PIK3R1: variants seen among roughly 807,000 people sequenced by gnomAD.
PIK3R1 encodes the protein phosphatidylinositol 3-kinase regulatory subunit alpha.
PIK3R1 carries 29 observed loss-of-function variants against 98.0 expected under a neutral mutation model. That is an observed-to-expected ratio of 0.30 (90% CI 0.22 to 0.40). The LOEUF is 0.40. PIK3R1 is among the 10% of genes least tolerant of loss of function. The probability of loss-of-function intolerance (pLI) is 1.00; values close to 1 mark genes in which losing one functional copy is unlikely to be tolerated. For missense variants in PIK3R1, 596 were observed against 872.7 expected (o/e 0.68, Z 3.99); for synonymous variants, 282 against 311.8 (o/e 0.90, Z 1.01).
At chr5:68,263,978 T>A (rs1258130129) in intron 2 of PIK3R1, among the ~76,000 whole-genome samples, 3 of 152,304 alleles carry the variant, frequency 2.0e-5, no homozygotes, top group East Asian at 3.9e-4. Flanking sequence ...TATATATTTT[T>A]AAAAAGTGAT....
At chr5:68,290,808 T>G in intron 7 of PIK3R1, 2 of 1,612,660 alleles carry the variant, frequency 1.2e-6, no homozygotes, top group Non-Finnish European at 1.7e-6. Flanking sequence ...ACAGACTTGA[T>G]GTTTTATATA....
chr5:68,227,013 A>G lies in PIK3R1; in HGVS notation c.334+4A>G, dbSNP rs1263122579. The G allele has an allele frequency of 1.8e-5, 29 of 1,592,118 alleles. No homozygotes were observed. The highest frequency in any genetic ancestry group is 2.4e-5 in the Non-Finnish European group (28 of 1,170,408). Reference sequence around the variant, plus strand: ...GAAGCAGATGTTGAACAACAAGGTCAGTATTGATAAGTGGTTGCTTAATGA... The same window carrying G: ...GAAGCAGATGTTGAACAACAAGGTCGGTATTGATAAGTGGTTGCTTAATGA... On this transcript the variant is annotated splice_donor_region_variant and intron_variant, in intron 2 of 15. Coordinates refer to ENST00000521381, the MANE Select transcript of PIK3R1 (RefSeq NM_181523.3).
Position 68,262,913 on chromosome 5 carries a change from A to ACATGGATACATGTATC in PIK3R1, c.335-10473_335-10472insGATACATGTATCCATG, listed in dbSNP as rs1745910331. On this transcript the variant is annotated intron_variant, in intron 2 of 15. Transcript: ENST00000521381. ...CATGTATACATATATACATGTAGATACATGTAGATACATGTATACATATAT... is the reference window on the plus strand; with the variant it reads ...CATGTATACATATATACATGTAGATACATGGATACATGTATCCATGTAGATACATGTATACATATAT... 7.4e-5 allele frequency among the ~76,000 whole-genome samples: 2 copies of ACATGGATACATGTATC among 27,110 alleles called. 1 individual carries two copies. The highest frequency in any genetic ancestry group is 6.1e-4 in the Admixed American group (2 of 3,264). The allele number at this position is 27,110 out of a possible 152,430, so 17.8% of individuals were successfully genotyped here. A position where few individuals can be genotyped will look rare whatever the true frequency, so the allele number is the denominator to read the frequency against.
intron 12 of PIK3R1, 38 bp from the exon 13 acceptor site, chr5:68,295,110 T>C (rs1387626805): frequency 1.3e-6 from 2 of 1,576,876 alleles, no homozygotes; most frequent in East Asian, 2.2e-5. Flanking sequence ...GTTCCTGATG[T>C]ACCCAGATAA....
intron 2 of PIK3R1, among the ~76,000 whole-genome samples, chr5:68,244,782 T>C (rs527631338): frequency 6.6e-6 from 1 of 152,234 alleles, no homozygotes; most frequent in Admixed American, 6.5e-5. Flanking sequence ...TCAGATCTAA[T>C]GTGACTCTGT....
In PIK3R1 at chr5:68,293,734, T is replaced by C; in HGVS notation, c.1325T>C (p.Ile442Thr). 1 of 1,489,180 alleles carries C rather than the reference T, an allele frequency of 6.7e-7. No homozygotes were observed. Among genetic ancestry groups the C allele is most frequent in the Non-Finnish European group, 9.3e-7 (1 of 1,078,984 alleles). 92.2% of individuals were successfully genotyped at this position (1,489,180 alleles called of 1,614,324 possible). A position where few individuals can be genotyped will look rare whatever the true frequency, so the allele number is the denominator to read the frequency against. Residue 442 changes from isoleucine to threonine, a missense_variant, in exon 11 of 16, where the codon ATT becomes ACT. Coordinates refer to ENST00000521381, the MANE Select transcript of PIK3R1 (RefSeq NM_181523.3). ...GATCAAGTTGTCAAAGAAGATAATA[T>C]TGAAGCTGTAGGGAAAAAATTACAT... The part of the protein sequence containing the change: ...QQDQVVKEDN[I>T]EAVGKKLHEY...
At position 68,233,957 on chromosome 5, in the gene PIK3R1, G is replaced by T. The variant is rs528749997; in HGVS notation, c.334+6948G>T. On this transcript the variant is annotated intron_variant, in intron 2 of 15. Coordinates refer to ENST00000521381, the MANE Select transcript of PIK3R1 (RefSeq NM_181523.3). ...ATTCTCAGTTGGTAGATTATGTAAT[G>T]CCTATAGATTATTCTGTCCTGTCAC... is the stretch of plus-strand genomic sequence containing the variant. Among the ~76,000 whole-genome samples, 10 of 152,294 alleles carry T rather than the reference G, an allele frequency of 6.6e-5. 1 individual carries two copies. The East Asian group carries it at 9.6e-4, about 15-fold the overall frequency.
intron 2 of PIK3R1, among the ~76,000 whole-genome samples, chr5:68,256,338 T>C (rs1745513662): frequency 1.3e-5 from 2 of 152,212 alleles, no homozygotes; most frequent in Non-Finnish European, 2.9e-5. Context: ...CACACCATTC[T>C]CCTGCCTCAG....
chr5:68,231,057 C>A (rs901631818), intron 2 of PIK3R1, among the ~76,000 whole-genome samples: 1 of 152,040 alleles, frequency 6.6e-6, no homozygotes, highest in South Asian at 2.1e-4. Flanking sequence ...TTGTACACAA[C>A]GAAATGAGTT....
At chr5:68,244,518 C>CCCA (rs1561267484) in intron 2 of PIK3R1, among the ~76,000 whole-genome samples, 1 of 28,976 alleles carries the variant, frequency 3.5e-5, no homozygotes, top group Admixed American at 2.2e-4. Context: ...TAGGACCGCC[C>CCCA]CCCCGCCCCC....
In PIK3R1 at chr5:68,292,253, C is replaced by T. The variant is rs768523677; in HGVS notation, c.917-6C>T. 1.3e-6 allele frequency: 2 copies of T among 1,597,274 alleles called. No individual in the cohort carries two copies. The highest frequency in any genetic ancestry group is 1.3e-5 in the African/African-American group (1 of 74,116). ...TTGCGAACAACTTTTTCTTTTTCAT[C>T]TGCAGCACTGCCTCCTAAACCACCA... On this transcript the variant is annotated splice_region_variant and splice_polypyrimidine_tract_variant and intron_variant, in intron 7 of 15. Transcript: ENST00000521381.
Position 68,223,123 on chromosome 5 carries a change from AATCATCATCATC to A in PIK3R1, c.-386-3132_-386-3121del, listed in dbSNP as rs60144880. 2.2e-3 allele frequency among the ~76,000 whole-genome samples: 330 copies of A among 147,964 alleles called. 4 individuals carry two copies. The highest frequency in any genetic ancestry group is 2.6e-3 in the South Asian group (12 of 4,598). On this transcript the variant is annotated intron_variant, in intron 1 of 15. Transcript: ENST00000521381. ...TTGGGAGCTATATGTGTACAAACTC[AATCATCATCATC>A]ATCATCATCATCATCATCATCATCA... is the stretch of plus-strand genomic sequence containing the variant.
chr5:68,300,742 TCTTA>T lies in PIK3R1; in HGVS notation c.*3146_*3149del, dbSNP rs762519353. On this transcript the variant is annotated 3_prime_UTR_variant, in exon 16 of 16. Transcript: ENST00000521381. ...ATAACAAGCGAACGTCTAGTACAAT[TCTTA>T]CTTATGTGTATGGGATTTTTCCCTT... is the stretch of plus-strand genomic sequence containing the variant. 49 of 233,320 alleles carry T rather than the reference TCTTA, an allele frequency of 2.1e-4. No homozygotes were observed. Among genetic ancestry groups the T allele is most frequent in the Admixed American group, 1.2e-3 (22 of 17,806 alleles). The allele number at this position is 233,320 out of a possible 1,614,324, so 14.5% of individuals were successfully genotyped here. A position where few individuals can be genotyped will look rare whatever the true frequency, so the allele number is the denominator to read the frequency against.
Position 68,226,561 on chromosome 5 carries a change from TG to T in PIK3R1, c.-113del. 1.2e-6 allele frequency: 1 copy of T among 840,780 alleles called. No homozygotes were observed. Among genetic ancestry groups the T allele is most frequent in the Non-Finnish European group, 1.9e-6 (1 of 531,008 alleles). 52.1% of individuals were successfully genotyped at this position (840,780 alleles called of 1,614,324 possible). ...TGGAGAGTGGTCCTTTGTCCTCTGC[TG>T]GACACATAATAGGAATTCTAACACA... On this transcript the variant is annotated 5_prime_UTR_variant, in exon 2 of 16. It introduces an in-frame stop codon into an upstream open reading frame of the 5' UTR. Coordinates refer to ENST00000521381, the MANE Select transcript of PIK3R1 (RefSeq NM_181523.3).
At chr5:68,252,387 G>T (rs896215131) in intron 2 of PIK3R1, among the ~76,000 whole-genome samples, 7 of 150,150 alleles carry the variant, frequency 4.7e-5, no homozygotes, top group African/African-American at 1.5e-4. Context: ...AAAAAAAAGT[G>T]GGGGGATCAG....
rs771615476 is a variant in PIK3R1, at chr5:68,226,996, T to A, written c.321T>A (p.Asp107Glu). The A allele has an allele frequency of 1.2e-6, 2 of 1,611,744 alleles. No individual in the cohort carries two copies. Among genetic ancestry groups the A allele is most frequent in the East Asian group, 4.5e-5 (2 of 44,866 alleles). Residue 107 changes from aspartate (D) to glutamate (E), a missense_variant, in exon 2 of 16, where the codon GAT becomes GAA. Asp to Glu is a conservative substitution (Grantham distance 45). Transcript: ENST00000521381. Reference protein sequence around the residue: ...VAPGSSKTEADVEQQALTLPD... With the variant: ...VAPGSSKTEAEVEQQALTLPD... ...CAGGTTCTTCGAAAACTGAAGCAGA[T>A]GTTGAACAACAAGGTCAGTATTGAT...
intron 4 of PIK3R1, among the ~76,000 whole-genome samples, chr5:68,276,794 G>A (rs570511210): frequency 4.5e-4 from 69 of 152,330 alleles, no homozygotes; most frequent in Non-Finnish European, 7.8e-4. Context: ...TACCTCATGT[G>A]TTGGAAAAGG....
Position 68,293,848 on chromosome 5 carries a change from G to A in PIK3R1, c.1425+14G>A, listed in dbSNP as rs1410949143. 2 of 1,539,898 alleles carry A rather than the reference G, an allele frequency of 1.3e-6. No individual in the cohort carries two copies. Among genetic ancestry groups the A allele is most frequent in the African/African-American group, 2.8e-5 (2 of 70,390 alleles). ...CGCACATCCCAGGTGAGTTTTCTAT[G>A]AAAATCAGATTAAAAAATAAGAGTT... is the stretch of plus-strand genomic sequence containing the variant. On this transcript the variant is annotated intron_variant, in intron 11 of 15. Transcript: ENST00000521381.
At chr5:68,279,504 T>C in intron 4 of PIK3R1, 98 bp from the exon 5 acceptor site, 1 of 843,452 alleles carries the variant, frequency 1.2e-6, no homozygotes, top group Non-Finnish European at 1.8e-6. Context: ...TATTTTTTTT[T>C]TTTTTTGTCA....
Sources: allele counts gnomAD v4.1 joint callset (sites outside exome capture counted in the v4.1 genomes callset), GRCh38; gene constraint gnomAD v4.1.1; transcripts MANE v1.5; gene names NCBI Gene and HGNC (gene_info 2026-07-23, HGNC 2026-07-21).